The following DISC1 variants were observed in gnomAD, a reference collection of about 807,000 sequenced individuals.
The protein encoded by DISC1 is disrupted in schizophrenia 1 protein.
Under a neutral mutation model 84.5 loss-of-function variants are expected in DISC1, and 57 were observed. That is an observed-to-expected ratio of 0.67 (90% CI 0.55 to 0.84). The LOEUF (loss-of-function observed/expected upper bound fraction) is 0.84. Ranked by LOEUF, DISC1 falls within the 40% of genes least tolerant of loss-of-function variation. The probability of loss-of-function intolerance (pLI) is 0.00; values close to 1 mark genes in which losing one functional copy is unlikely to be tolerated. For synonymous variants in DISC1, 411 were observed against 415.2 expected (o/e 0.99, Z 0.12); for missense variants, 1,000 against 1,057.8 (o/e 0.95, Z 0.76).
intron 3 of DISC1, among the ~76,000 whole-genome samples, chr1:231,749,074 G>A (rs2074318203): frequency 6.6e-6 from 1 of 152,186 alleles, no homozygotes; most frequent in South Asian, 2.1e-4. Flanking sequence ...ATCTGAGCAG[G>A]GGATACAGGG....
intron 10 of DISC1, among the ~76,000 whole-genome samples, chr1:231,973,460 A>G (rs887575336): frequency 2.0e-5 from 3 of 152,244 alleles, no homozygotes; most frequent in Admixed American, 2.0e-4. Context: ...GTCCAAGAGT[A>G]ACTTCAGGCA....
intron 9 of DISC1, among the ~76,000 whole-genome samples, chr1:231,895,624 A>AT (rs5781674): frequency 0.71 from 105,907 of 149,726 alleles, 37,429 homozygotes; most frequent in Middle Eastern, 0.74. Context: ...ACTGTGCTAG[A>AT]TTTTTTTTTT....
In DISC1 at chr1:231,694,398, C is replaced by T. The variant is rs756502841; in HGVS notation, c.640C>T (p.Arg214Trp). The change falls in exon 2 of 13, where the codon CGG becomes TGG. Residue 214 changes from arginine to tryptophan, a missense_variant. Arg to Trp is a moderately radical substitution (Grantham distance 101, BLOSUM62 -3). Transcript: ENST00000439617. ...CTTTACCTCAAGCTTTAGCTTTATT[C>T]GGCTCTCGCTTGGCTCTGCCGGGGA... ...SAFTSSFSFI[R>W]LSLGSAGERG... 48 of 1,614,106 alleles carry T rather than the reference C, an allele frequency of 3.0e-5. No homozygotes were observed. Among genetic ancestry groups the T allele is most frequent in the Non-Finnish European group, 3.6e-5 (43 of 1,180,044 alleles).
In DISC1 at chr1:231,694,769, G is replaced by T. The variant is rs547899710; in HGVS notation, c.1011G>T (p.Leu337=). 1.9e-6 allele frequency: 3 copies of T among 1,613,876 alleles called. No homozygotes were observed. In the African/African-American group the frequency reaches 4.0e-5, roughly 22 times the overall value. Residue 337 remains leucine, a synonymous_variant, in exon 2 of 13, where the codon CTG becomes CTT. Transcript: ENST00000439617. ...TGCTCAGGAAATGGGAGCCAGTGCT[G>T]CGGGACTGCCTGCTGAGAAACCGGA... The part of the protein sequence containing the change: ...DTLLRKWEPV[L]RDCLLRNRRQ...
At chr1:231,749,780 T>C (rs2074403081) in intron 3 of DISC1, 146 bp from the exon 4 acceptor site, 1 of 1,001,810 alleles carries the variant, frequency 1.0e-6, no homozygotes, top group African/African-American at 1.6e-5. Context: ...AACTGAGAGA[T>C]GAAAGTGCTG....
In DISC1 at chr1:232,031,577, T is replaced by C. The variant is rs1018669607; in HGVS notation, c.2425+5025T>C. Among the ~76,000 whole-genome samples, 1 of 152,062 alleles carries C rather than the reference T, an allele frequency of 6.6e-6. No homozygotes were observed. The highest frequency in any genetic ancestry group is 2.4e-5 in the African/African-American group (1 of 41,418). ...TAAGATGACAGTATCTAAAGCTTTG[T>C]GTGTGATGGGCTGGTGCAGATATAG... On this transcript the variant is annotated intron_variant, in intron 12 of 12. Coordinates refer to ENST00000439617, the MANE Select transcript of DISC1 (RefSeq NM_018662.3). The surrounding 1 kb of genome is among the most constrained non-coding windows in gnomAD (Gnocchi z 4.6).
intron 11 of DISC1, among the ~76,000 whole-genome samples, chr1:232,025,085 C>T (rs187960955): frequency 2.0e-5 from 3 of 152,228 alleles, no homozygotes; most frequent in Non-Finnish European, 4.4e-5. Flanking sequence ...TCTACATGCC[C>T]AGCATTCAAC....
At chr1:232,015,860 C>G (rs200408692) in intron 11 of DISC1, among the ~76,000 whole-genome samples, 1 of 152,138 alleles carries the variant, frequency 6.6e-6, no homozygotes, top group Admixed American at 6.5e-5. Context: ...CTCCTCCACC[C>G]GGCCCCCAGG....
chr1:231,888,632 G>A (rs1185487104), intron 9 of DISC1, among the ~76,000 whole-genome samples: 3 of 151,536 alleles, frequency 2.0e-5, no homozygotes, highest in East Asian at 1.9e-4. Flanking sequence ...CCAGCTACTC[G>A]GTGGCTGAGG....
chr1:231,809,401 A>G (rs1558583198), intron 8 of DISC1, among the ~76,000 whole-genome samples: 2 of 148,580 alleles, frequency 1.3e-5, no homozygotes, highest in Non-Finnish European at 3.0e-5. Context: ...GTTTGGATAT[A>G]TTTTTTTTTT....
At position 231,790,234 on chromosome 1, in the gene DISC1, C is replaced by T. The variant is rs111466055; in HGVS notation, c.1635-5008C>T. On this transcript the variant is annotated intron_variant, in intron 6 of 12. Coordinates refer to ENST00000439617, the MANE Select transcript of DISC1 (RefSeq NM_018662.3). The stretch of plus-strand genomic sequence containing the variant: ...ACCTGGATCGTGAAGCACCAGTGTG[C>T]GGTGCCCTAATAATACCTATAACTC... Among the ~76,000 whole-genome samples, 853 of 152,248 alleles carry T rather than the reference C, an allele frequency of 5.6e-3. 10 individuals are homozygous for T. The highest frequency in any genetic ancestry group is 0.019 in the African/African-American group (798 of 41,540).
At chr1:231,716,364 A>G (rs918317202) in intron 3 of DISC1, among the ~76,000 whole-genome samples, 3 of 151,606 alleles carry the variant, frequency 2.0e-5, no homozygotes, top group Admixed American at 6.6e-5. Context: ...AAAGCAATAT[A>G]TATTAAAACA....
At chr1:231,918,250 T>C (rs1346300275) in intron 9 of DISC1, among the ~76,000 whole-genome samples, 1 of 152,242 alleles carries the variant, frequency 6.6e-6, no homozygotes, top group African/African-American at 2.4e-5. Context: ...TGTTTCAGCT[T>C]TTTCCTACTT....
chr1:231,696,027 C>G (rs577550518), intron 2 of DISC1, among the ~76,000 whole-genome samples: 12 of 152,220 alleles, frequency 7.9e-5, no homozygotes, highest in East Asian at 3.9e-4. Flanking sequence ...TGCCCCTTGT[C>G]TTTCCCCGAA....
chr1:231,709,612 G>A (rs1011360113), intron 3 of DISC1, among the ~76,000 whole-genome samples: 3 of 152,036 alleles, frequency 2.0e-5, no homozygotes, highest in Admixed American at 2.0e-4. Flanking sequence ...CATTATTCAT[G>A]ATAAACTCTG....
At chr1:231,778,832 C>T (rs1475806336) in intron 6 of DISC1, among the ~76,000 whole-genome samples, 1 of 152,136 alleles carries the variant, frequency 6.6e-6, no homozygotes, top group Non-Finnish European at 1.5e-5. Context: ...ATCTTAAGCC[C>T]CCAACCACTG....
intron 8 of DISC1, among the ~76,000 whole-genome samples, chr1:231,812,206 C>A (rs556941014): frequency 5.3e-5 from 8 of 152,208 alleles, no homozygotes; most frequent in Admixed American, 2.0e-4. Flanking sequence ...AAGGTGCATA[C>A]CACCATGCCT....
At chr1:231,920,734 C>T (rs1183686600) in intron 9 of DISC1, among the ~76,000 whole-genome samples, 2 of 152,108 alleles carry the variant, frequency 1.3e-5, no homozygotes, top group African/African-American at 2.4e-5. Context: ...ACCACTGGTG[C>T]ATAGGAATAA....
At chr1:231,695,486 C>G (rs1246146219) in intron 2 of DISC1, among the ~76,000 whole-genome samples, 2 of 152,200 alleles carry the variant, frequency 1.3e-5, no homozygotes, top group Non-Finnish European at 2.9e-5. Flanking sequence ...TAGGGTTCCT[C>G]TACCCACAAA....
Sources: gnomAD v4.1 joint callset for allele counts (sites outside exome capture counted in the v4.1 genomes callset) on GRCh38, gnomAD v4.1.1 for gene constraint, Gnocchi (gnomAD v3.1) non-coding constraint, MANE v1.5 for transcripts, NCBI Gene and HGNC (gene_info 2026-07-23, HGNC 2026-07-21) for gene names.